Variants in MAST4 observed in about 807,000 individuals in gnomAD.
MAST4 encodes microtubule-associated serine/threonine-protein kinase 4.
MAST4 carries 89 observed loss-of-function variants against 162.7 expected under a neutral mutation model. The ratio of observed to expected loss-of-function variants is 0.55; its 90% CI spans 0.46 to 0.65. The LOEUF is 0.65. MAST4 is among the 30% of genes least tolerant of loss of function. The pLI is 0.00. For missense variants in MAST4, 3,153 were observed against 3,374.0 expected (o/e 0.93, Z 1.62); for synonymous variants, 1,479 against 1,361.1 (o/e 1.09, Z -1.91).
chr5:66,686,209 C>T (rs955686250), intron 1 of MAST4, among the ~76,000 whole-genome samples: 14 of 152,186 alleles, frequency 9.2e-5, no homozygotes, highest in African/African-American at 2.4e-4. Context: ...GTTTCTTTAT[C>T]GGTAAATGAG....
intron 2 of MAST4, among the ~76,000 whole-genome samples, chr5:66,780,868 C>T (rs184637042): frequency 1.2e-4 from 19 of 152,170 alleles, no homozygotes; most frequent in East Asian, 1.2e-3. Flanking sequence ...AGACACAGAG[C>T]GCTGATTGGT....
chr5:66,630,880 C>T (rs978880223), intron 1 of MAST4, among the ~76,000 whole-genome samples: 1 of 152,172 alleles, frequency 6.6e-6, no homozygotes, highest in African/African-American at 2.4e-5. Flanking sequence ...ACATCACAGA[C>T]ACATGTGCTA....
At chr5:67,039,706 C>A (rs1756482300) in intron 4 of MAST4, among the ~76,000 whole-genome samples, 2 of 152,156 alleles carry the variant, frequency 1.3e-5, no homozygotes, top group Admixed American at 1.3e-4. Context: ...TGTGTCTCAT[C>A]CCATCTCCTG....
intron 1 of MAST4, among the ~76,000 whole-genome samples, chr5:66,716,514 T>TA (rs1020684288): frequency 7.3e-5 from 11 of 150,274 alleles, no homozygotes; most frequent in South Asian, 4.2e-4. Flanking sequence ...CCCAGCTAAT[T>TA]AAAAAAAAAA....
chr5:66,597,031 C>G lies in MAST4; in HGVS notation c.363+13C>G, dbSNP rs1423708638. The G allele has an allele frequency of 1.4e-5, 20 of 1,416,198 alleles. No individual in the cohort carries two copies. Among genetic ancestry groups the G allele is most frequent in the Non-Finnish European group, 1.8e-5 (20 of 1,093,274 alleles). 87.7% of individuals were successfully genotyped at this position (1,416,198 alleles called of 1,614,324 possible). The stretch of plus-strand genomic sequence containing the variant: ...GCAGGACGAGGAGGTGGGCCTTTCC[C>G]CAGCTTGCCCACTCTGGGTTCCGGC... On this transcript the variant is annotated intron_variant, in intron 1 of 28. Transcript: ENST00000403625.
intron 3 of MAST4, among the ~76,000 whole-genome samples, chr5:66,824,197 G>A (rs1346784389): frequency 3.3e-5 from 5 of 152,122 alleles, no homozygotes; most frequent in African/African-American, 7.2e-5. Context: ...TAGTGATCAC[G>A]GTCACACTTA....
intron 4 of MAST4, among the ~76,000 whole-genome samples, chr5:66,909,582 G>T (rs868666956): frequency 1.3e-5 from 2 of 152,324 alleles, no homozygotes; most frequent in Middle Eastern, 3.4e-3. Flanking sequence ...TGCTCAGGGA[G>T]TATATATGTT....
intron 3 of MAST4, among the ~76,000 whole-genome samples, chr5:66,890,010 CTAATA>C (rs1456637996): frequency 2.6e-5 from 4 of 152,220 alleles, no homozygotes; most frequent in Middle Eastern, 3.4e-3. Context: ...TTCAATTGAT[CTAATA>C]TGAGTTTTAT....
intron 1 of MAST4, among the ~76,000 whole-genome samples, chr5:66,624,304 T>A (rs1237926848): frequency 6.6e-6 from 1 of 151,778 alleles, no homozygotes; most frequent in Non-Finnish European, 1.5e-5. Context: ...AGGTGCATGC[T>A]GCCACGCCTG....
intron 1 of MAST4, among the ~76,000 whole-genome samples, chr5:66,661,297 G>A (rs577998982): frequency 1.3e-5 from 2 of 152,200 alleles, no homozygotes; most frequent in South Asian, 4.1e-4. Flanking sequence ...TTCCCTCCTG[G>A]TCTTCAGATG....
At chr5:66,756,544 A>G (rs1753549712) in intron 1 of MAST4, among the ~76,000 whole-genome samples, 1 of 152,236 alleles carries the variant, frequency 6.6e-6, no homozygotes, top group South Asian at 2.1e-4. Context: ...AAGTTGGAAA[A>G]CATTAAAATG....
At chr5:66,880,601 A>T (rs1477190319) in intron 3 of MAST4, among the ~76,000 whole-genome samples, 5 of 152,190 alleles carry the variant, frequency 3.3e-5, no homozygotes, top group African/African-American at 1.2e-4. Flanking sequence ...GTTTGAGGAC[A>T]TTCACCATCC....
intron 4 of MAST4, among the ~76,000 whole-genome samples, chr5:66,980,132 G>A (rs1194111602): frequency 1.3e-5 from 2 of 152,168 alleles, no homozygotes; most frequent in Non-Finnish European, 2.9e-5. Flanking sequence ...GCTGGGCTGG[G>A]GGAGTAGATG....
chr5:66,788,606 C>CCCCAACAAAAAAAAAAAAAA, intron 2 of MAST4, 64 bp from the exon 3 acceptor site: 1 of 1,356,384 alleles, frequency 7.4e-7, no homozygotes, highest in Non-Finnish European at 1.0e-6. Flanking sequence ...ACCCCCACCC[C>CCCCAACAAAAAAAAAAAAAA]CATTGCAATA....
At chr5:66,861,093 CA>C (rs1159322347) in intron 3 of MAST4, among the ~76,000 whole-genome samples, 1 of 152,170 alleles carries the variant, frequency 6.6e-6, no homozygotes, top group Non-Finnish European at 1.5e-5. Context: ...TAACTGGAGG[CA>C]CCTATTACAT....
intron 1 of MAST4, among the ~76,000 whole-genome samples, chr5:66,627,470 T>C (rs1299914050): frequency 1.3e-5 from 2 of 152,210 alleles, no homozygotes; most frequent in Non-Finnish European, 2.9e-5. Flanking sequence ...TGTTCAGTGC[T>C]ACTGAAAGGA....
At chr5:66,949,881 G>A (rs1176266496) in intron 4 of MAST4, among the ~76,000 whole-genome samples, 2 of 152,144 alleles carry the variant, frequency 1.3e-5, no homozygotes, top group Non-Finnish European at 2.9e-5. Context: ...ATGATGCTGA[G>A]TATAAATAAC....
At chr5:66,624,149 T>TTTG (rs1580018608) in intron 1 of MAST4, among the ~76,000 whole-genome samples, 2 of 59,878 alleles carry the variant, frequency 3.3e-5, no homozygotes, top group Admixed American at 3.2e-4. Flanking sequence ...TTAAAATGTT[T>TTTG]TTTTTTTTTT....
intron 1 of MAST4, among the ~76,000 whole-genome samples, chr5:66,735,595 G>C (rs1349571013): frequency 6.6e-6 from 1 of 152,166 alleles, no homozygotes; most frequent in Non-Finnish European, 1.5e-5. Flanking sequence ...CTTATCCTAG[G>C]ATCCATGCGC....
Sources: allele counts gnomAD v4.1 joint callset (sites outside exome capture counted in the v4.1 genomes callset), GRCh38; gene constraint gnomAD v4.1.1; transcripts MANE v1.5; gene names NCBI Gene and HGNC (gene_info 2026-07-23, HGNC 2026-07-21).